Variants in C16orf87 observed in about 807,000 individuals in gnomAD.
The protein encoded by C16orf87 is UPF0547 protein C16orf87.
In C16orf87, 13 loss-of-function variants were observed where a neutral mutation model predicts 21.0. That is an observed-to-expected ratio of 0.62 (90% CI 0.40 to 0.98). The LOEUF (loss-of-function observed/expected upper bound fraction) is 0.98. Ranked by LOEUF, C16orf87 falls within the 50% of genes least tolerant of loss-of-function variation. The pLI is 0.00. For missense variants in C16orf87, 113 were observed against 180.4 expected (o/e 0.63, Z 2.14); for synonymous variants, 49 against 60.2 (o/e 0.81, Z 0.86).
At chr16:46,815,099 G>A (rs1968201641) in intron 2 of C16orf87, among the ~76,000 whole-genome samples, 1 of 152,042 alleles carries the variant, frequency 6.6e-6, no homozygotes, top group East Asian at 1.9e-4. Context: ...TTCAATAAGA[G>A]TCTGAGACAA....
chr16:46,828,472 C>A (rs145219421), intron 1 of C16orf87, among the ~76,000 whole-genome samples: 89 of 152,034 alleles, frequency 5.9e-4, no homozygotes, highest in African/African-American at 2.0e-3. Flanking sequence ...CAAAATGGCT[C>A]AGTAATTTTG....
Position 46,799,740 on chromosome 16 carries a change from C to T in C16orf87, c.*3212G>A, listed in dbSNP as rs1183131209. The T allele has an allele frequency of 6.6e-6, 1 of 152,210 alleles. No individual in the cohort carries two copies. The highest frequency in any genetic ancestry group is 1.5e-5 in the Non-Finnish European group (1 of 68,054). The allele number at this position is 152,210 out of a possible 1,614,324, so 9.4% of individuals were successfully genotyped here. Reference sequence around the variant, plus strand: ...GCAAGATCATCACTCACTGCAGCCTCGAACTCCTGGGCTCAAGTGATCCTT... The same window carrying T: ...GCAAGATCATCACTCACTGCAGCCTTGAACTCCTGGGCTCAAGTGATCCTT... On this transcript the variant is annotated 3_prime_UTR_variant, in exon 4 of 4. Coordinates refer to ENST00000285697, the MANE Select transcript of C16orf87 (RefSeq NM_001001436.4).
At chr16:46,827,476 T>C (rs899402452) in intron 1 of C16orf87, among the ~76,000 whole-genome samples, 1 of 152,220 alleles carries the variant, frequency 6.6e-6, no homozygotes, top group Non-Finnish European at 1.5e-5. Context: ...AAAGAAAATA[T>C]TCAAAGTATT....
At chr16:46,818,700 T>C (rs1959293640) in intron 2 of C16orf87, among the ~76,000 whole-genome samples, 1 of 152,192 alleles carries the variant, frequency 6.6e-6, no homozygotes, top group South Asian at 2.1e-4. Context: ...TTTCTTCTTT[T>C]TAAATTTGAG....
chr16:46,809,617 T>A lies in C16orf87; in HGVS notation c.332A>T (p.His111Leu). 6.2e-7 allele frequency: 1 copy of A among 1,609,106 alleles called. No homozygotes were observed. Among genetic ancestry groups the A allele is most frequent in the South Asian group, 1.1e-5 (1 of 89,854 alleles). ...GRPKSASAKK[H>L]EEEREKQEKE... Reference sequence around the variant, plus strand: ...TTTGTTCATACCTCTTTCTTCCTCATGTTTTTTGGCAGATGCACTTTTAGG... The same window carrying A: ...TTTGTTCATACCTCTTTCTTCCTCAAGTTTTTTGGCAGATGCACTTTTAGG... Residue 111 changes from histidine to leucine, a missense_variant, in exon 3 of 4, where the codon CAT becomes CTT. Physicochemically the swap from His to Leu is moderately conservative, Grantham distance 99. Transcript: ENST00000285697.
chr16:46,811,949 T>C (rs1968098789), intron 2 of C16orf87, among the ~76,000 whole-genome samples: 1 of 151,920 alleles, frequency 6.6e-6, no homozygotes, highest in Non-Finnish European at 1.5e-5. Flanking sequence ...CGACACCCTG[T>C]TCTTAAACAA....
intron 3 of C16orf87, among the ~76,000 whole-genome samples, chr16:46,805,245 C>T (rs145767983): frequency 2.0e-5 from 3 of 152,146 alleles, no homozygotes; most frequent in African/African-American, 7.2e-5. Context: ...TAATTATTTA[C>T]AGATGTCAGA....
chr16:46,809,185 A>C (rs1968010329), intron 3 of C16orf87, among the ~76,000 whole-genome samples: 1 of 151,798 alleles, frequency 6.6e-6, no homozygotes, highest in East Asian at 1.9e-4. Flanking sequence ...GCTACTCAGG[A>C]GGCTCAGGGG....
intron 1 of C16orf87, among the ~76,000 whole-genome samples, chr16:46,827,339 T>C (rs779349732): frequency 6.6e-6 from 1 of 152,198 alleles, no homozygotes; most frequent in Non-Finnish European, 1.5e-5. Flanking sequence ...AATATTAACC[T>C]CATTTCATTA....
chr16:46,824,867 T>C (rs1244242172), intron 1 of C16orf87, among the ~76,000 whole-genome samples: 2 of 152,002 alleles, frequency 1.3e-5, no homozygotes, highest in African/African-American at 4.8e-5. Flanking sequence ...GGTTTTACTA[T>C]ATTGGCCAGG....
intron 1 of C16orf87, among the ~76,000 whole-genome samples, chr16:46,828,213 C>A (rs570385894): frequency 3.1e-4 from 47 of 152,218 alleles, no homozygotes; most frequent in Non-Finnish European, 6.2e-4. Flanking sequence ...CAGGTGTGAG[C>A]CACTGCACAC....
chr16:46,827,109 T>C (rs1959648033), intron 1 of C16orf87, among the ~76,000 whole-genome samples: 1 of 152,212 alleles, frequency 6.6e-6, no homozygotes, highest in Non-Finnish European at 1.5e-5. Flanking sequence ...AAGTGTTTTA[T>C]GCTCAATAAA....
intron 2 of C16orf87, among the ~76,000 whole-genome samples, chr16:46,818,194 C>T (rs1285269345): frequency 1.3e-5 from 2 of 152,118 alleles, no homozygotes; most frequent in African/African-American, 2.4e-5. Flanking sequence ...AAGAACAATA[C>T]TTTCTGAATA....
chr16:46,829,757 C>A (rs1245590085), intron 1 of C16orf87, among the ~76,000 whole-genome samples: 1 of 152,120 alleles, frequency 6.6e-6, no homozygotes, highest in Non-Finnish European at 1.5e-5. Flanking sequence ...GTATTTCTTG[C>A]ACAACCTTTT....
rs1373843207 is a variant in C16orf87 at position 46,809,595 on chromosome 16, G to A, written c.346+8C>T. On this transcript the variant is annotated splice_region_variant and intron_variant, in intron 3 of 3. Coordinates refer to ENST00000285697, the MANE Select transcript of C16orf87 (RefSeq NM_001001436.4). ...ACTTGAAAAAAAAACTGCTTGATTT[G>A]TTCATACCTCTTTCTTCCTCATGTT... 1 of 1,588,956 alleles carries A rather than the reference G, an allele frequency of 6.3e-7. No homozygotes were observed. The highest frequency in any genetic ancestry group is 1.4e-5 in the African/African-American group (1 of 73,694).
intron 2 of C16orf87, 28 bp downstream of exon 2, chr16:46,824,358 G>C (rs375338015): frequency 7.0e-6 from 7 of 995,320 alleles, no homozygotes; most frequent in South Asian, 1.5e-5. Context: ...ACATCAAAAA[G>C]CTAAAAATGT....
intron 2 of C16orf87, among the ~76,000 whole-genome samples, chr16:46,815,140 T>C (rs573800144): frequency 6.6e-6 from 1 of 151,774 alleles, no homozygotes; most frequent in South Asian, 2.1e-4. Context: ...CTTCCACAAG[T>C]TGTAACAGGA....
chr16:46,821,182 T>C (rs1959399776), intron 2 of C16orf87, among the ~76,000 whole-genome samples: 1 of 152,224 alleles, frequency 6.6e-6, no homozygotes, highest in Non-Finnish European at 1.5e-5. Context: ...TACCATGCTT[T>C]GCAAATGTTA....
chr16:46,830,617 T>G, intron 1 of C16orf87: 1 of 153,760 alleles, frequency 6.5e-6, no homozygotes. Context: ...GAGGGGCCGT[T>G]TTGGGGAAGC....
Sources: allele counts gnomAD v4.1 joint callset (sites outside exome capture counted in the v4.1 genomes callset), GRCh38; gene constraint gnomAD v4.1.1; transcripts MANE v1.5; gene names NCBI Gene and HGNC (gene_info 2026-07-23, HGNC 2026-07-21).